The following ANO3 variants were observed in gnomAD, a reference collection of about 807,000 sequenced individuals.
ANO3 encodes the protein anoctamin 3, also known as anoctamin-3.
Under a neutral mutation model 144.8 loss-of-function variants are expected in ANO3, and 99 were observed. The observed-to-expected ratio is 0.68, with a 90% CI of 0.58 to 0.81. The LOEUF (loss-of-function observed/expected upper bound fraction) is 0.81. ANO3 is among the 30% of genes least tolerant of loss of function. The pLI is 0.00. For missense variants in ANO3, 905 were observed against 1,202.2 expected, an observed-to-expected ratio of 0.75 and a Z score of 3.66; for synonymous variants, 414 against 392.6, an observed-to-expected ratio of 1.05 and a Z score of -0.64.
chr11:26,361,031 T>C (rs548256790), intron 1 of ANO3, among the ~76,000 whole-genome samples: 36 of 152,282 alleles, frequency 2.4e-4, no homozygotes, highest in African/African-American at 7.9e-4. Flanking sequence ...CTATTTAACT[T>C]TATACTCAGC....
At chr11:26,656,041 G>T (rs1257304781) in intron 24 of ANO3, 84 bp from the exon 25 acceptor site, 1 of 1,106,300 alleles carries the variant, frequency 9.0e-7, no homozygotes, top group Admixed American at 2.2e-5. Context: ...TAATACATTT[G>T]TAAAATCCTG....
intron 1 of ANO3, among the ~76,000 whole-genome samples, chr11:26,360,049 G>T (rs1855883556): frequency 6.6e-6 from 1 of 151,376 alleles, no homozygotes; most frequent in Non-Finnish European, 1.5e-5. Flanking sequence ...TTCTCTATTT[G>T]TTATTCCCAT....
intron 17 of ANO3, among the ~76,000 whole-genome samples, chr11:26,604,495 A>T (rs1186636651): frequency 5.3e-5 from 8 of 152,182 alleles, no homozygotes; most frequent in Non-Finnish European, 1.0e-4. Context: ...TCTATAAATT[A>T]CTTTGGGCAG....
chr11:26,539,302 A>G (rs866727778), intron 10 of ANO3, among the ~76,000 whole-genome samples: 1 of 152,104 alleles, frequency 6.6e-6, no homozygotes, highest in South Asian at 2.1e-4. Flanking sequence ...TGTACGTAAT[A>G]CTTCAGAAAG....
chr11:26,506,787 T>G (rs1565068104), intron 4 of ANO3, among the ~76,000 whole-genome samples: 2 of 152,176 alleles, frequency 1.3e-5, no homozygotes, highest in Admixed American at 1.3e-4. Flanking sequence ...GGGTGACTCT[T>G]TCTTGGATAT....
At chr11:26,455,681 C>T (rs2134045785) in intron 3 of ANO3, among the ~76,000 whole-genome samples, 1 of 151,930 alleles carries the variant, frequency 6.6e-6, no homozygotes, top group African/African-American at 2.4e-5. Flanking sequence ...CCATCCCCGT[C>T]AAGCTACCAA....
intron 1 of ANO3, among the ~76,000 whole-genome samples, chr11:26,345,684 C>T (rs1402656658): frequency 2.0e-5 from 3 of 152,198 alleles, no homozygotes; most frequent in African/African-American, 7.2e-5. Flanking sequence ...TTCAATTTCT[C>T]AGTATATGAA....
intron 4 of ANO3, among the ~76,000 whole-genome samples, chr11:26,500,564 C>A (rs1254934065): frequency 6.6e-6 from 1 of 152,038 alleles, no homozygotes; most frequent in African/African-American, 2.4e-5. Flanking sequence ...TGTTAAGAAT[C>A]TTTGAATGTG....
chr11:26,449,956 A>G (rs1440057669), intron 3 of ANO3, among the ~76,000 whole-genome samples: 3 of 152,044 alleles, frequency 2.0e-5, no homozygotes, highest in African/African-American at 7.2e-5. Context: ...GGGTTTTACC[A>G]TGTTGGGCAG....
At position 26,531,277 on chromosome 11, in the gene ANO3, T is replaced by G; in HGVS notation, c.810T>G (p.Phe270Leu). Residue 270 changes from phenylalanine to leucine, a missense_variant, in exon 8 of 27, where the codon TTT (phenylalanine) becomes TTG (leucine). Physicochemically the swap from Phe to Leu is conservative, Grantham distance 22. This residue lies in a region of ANO3 where 71 missense variants were observed against 57.9 expected (regional missense o/e 1.23). Transcript: ENST00000256737. ...CAATGGTTCTTGACAAGTCAGCTTTTCCAGACCTAGAGGAGTCAGACTGCT... is the reference window on the plus strand; with the variant it reads ...CAATGGTTCTTGACAAGTCAGCTTTGCCAGACCTAGAGGAGTCAGACTGCT... Reference protein sequence around the residue: ...QNPMVLDKSAFPDLEESDCYT... With the variant: ...QNPMVLDKSALPDLEESDCYT... The G allele has an allele frequency of 6.2e-7, 1 of 1,614,008 alleles. No individual in the cohort carries two copies.
At chr11:26,370,366 T>G (rs952884120) in intron 1 of ANO3, among the ~76,000 whole-genome samples, 6 of 152,130 alleles carry the variant, frequency 3.9e-5, no homozygotes, top group Non-Finnish European at 8.8e-5. Context: ...TCCCCAGCCA[T>G]GCTGAGTCAA....
intron 1 of ANO3, among the ~76,000 whole-genome samples, chr11:26,346,919 A>C (rs528612745): frequency 6.6e-6 from 1 of 152,322 alleles, no homozygotes; most frequent in South Asian, 2.1e-4. Context: ...ACAAATTTGA[A>C]AGCAAGCAAA....
intron 8 of ANO3, among the ~76,000 whole-genome samples, chr11:26,532,719 C>T (rs1234704339): frequency 1.3e-5 from 2 of 152,024 alleles, no homozygotes; most frequent in Non-Finnish European, 2.9e-5. Flanking sequence ...TGCCCCAAAT[C>T]TTCATATGGC....
At chr11:26,241,664 C>T (rs1241336708) in intron 1 of ANO3, among the ~76,000 whole-genome samples, 1 of 152,098 alleles carries the variant, frequency 6.6e-6, no homozygotes, top group Admixed American at 6.6e-5. Context: ...ATTGGCAGAA[C>T]ATTTATTACA....
chr11:26,465,906 T>C (rs543548413), intron 4 of ANO3, among the ~76,000 whole-genome samples: 12 of 152,090 alleles, frequency 7.9e-5, no homozygotes, highest in South Asian at 6.2e-4. Flanking sequence ...TGAGTAACTA[T>C]AGTTTGCTGT....
intron 18 of ANO3, among the ~76,000 whole-genome samples, chr11:26,632,850 C>T (rs141644819): frequency 9.9e-5 from 15 of 152,238 alleles, no homozygotes; most frequent in Admixed American, 8.5e-4. Context: ...TAAAAATCTA[C>T]ATCCTCTTTT....
intron 1 of ANO3, among the ~76,000 whole-genome samples, chr11:26,271,736 C>T (rs1853443129): frequency 6.6e-6 from 1 of 151,682 alleles, no homozygotes; most frequent in Admixed American, 6.6e-5. Context: ...CCAATTTTAT[C>T]GTGTTTTTCT....
chr11:26,265,624 A>C (rs1255325126), intron 1 of ANO3, among the ~76,000 whole-genome samples: 1 of 152,202 alleles, frequency 6.6e-6, no homozygotes, highest in African/African-American at 2.4e-5. Flanking sequence ...ACCACCATCC[A>C]TTATCATGCT....
At chr11:26,245,019 G>GTGTGTGCGCGCC (rs1305638071) in intron 1 of ANO3, among the ~76,000 whole-genome samples, 1 of 73,412 alleles carries the variant, frequency 1.4e-5, no homozygotes, top group East Asian at 2.6e-4. Context: ...GTGTGTGTGT[G>GTGTGTGCGCGCC]TGCATGCATG....
Sources: allele counts gnomAD v4.1 joint callset (sites outside exome capture counted in the v4.1 genomes callset), GRCh38; gene constraint gnomAD v4.1.1; regional missense constraint gnomAD v4.1.1; transcripts MANE v1.5; gene names NCBI Gene and HGNC (gene_info 2026-07-23, HGNC 2026-07-21).